The following SNTB1 variants were observed in gnomAD, a reference collection of about 807,000 sequenced individuals.
The protein encoded by SNTB1 is beta-1-syntrophin.
A neutral mutation model predicts 48.9 loss-of-function variants in SNTB1; 36 were observed. The observed-to-expected ratio is 0.74, with a 90% CI of 0.56 to 0.97. The LOEUF is 0.97. SNTB1 is among the 50% of genes least tolerant of loss of function. SNTB1 has a pLI of 0.00. For synonymous variants in SNTB1, 299 were observed against 294.6 expected, an observed-to-expected ratio of 1.01 and a Z score of -0.15; for missense variants, 786 against 703.4, an observed-to-expected ratio of 1.12 and a Z score of -1.33.
intron 2 of SNTB1, among the ~76,000 whole-genome samples, chr8:120,648,789 C>T (rs1034045474): frequency 6.6e-6 from 1 of 152,230 alleles, no homozygotes; most frequent in Non-Finnish European, 1.5e-5. Flanking sequence ...TTCTCCCCAT[C>T]ACTTTCAGGT....
intron 1 of SNTB1, among the ~76,000 whole-genome samples, chr8:120,786,428 G>C (rs1587162179): frequency 2.0e-5 from 3 of 152,286 alleles, no homozygotes; most frequent in East Asian, 3.9e-4. Context: ...GCTCATGAAG[G>C]GTCTTAGAGA....
At chr8:120,597,667 CA>C (rs1453569401) in intron 3 of SNTB1, among the ~76,000 whole-genome samples, 1 of 152,212 alleles carries the variant, frequency 6.6e-6, no homozygotes, top group African/African-American at 2.4e-5. Flanking sequence ...GGTAATTATA[CA>C]AAGTAAGAAT....
chr8:120,753,009 G>T (rs74955629), intron 1 of SNTB1, among the ~76,000 whole-genome samples: 10,280 of 125,074 alleles, frequency 0.082, 520 homozygotes, highest in East Asian at 0.23. Context: ...AAAAAAAAAA[G>T]ACTTGTTTTT....
At chr8:120,748,548 T>G (rs948562716) in intron 1 of SNTB1, among the ~76,000 whole-genome samples, 4 of 152,178 alleles carry the variant, frequency 2.6e-5, no homozygotes, top group Non-Finnish European at 5.9e-5. Flanking sequence ...GGACCCATAA[T>G]ACAGTACATA....
intron 3 of SNTB1, among the ~76,000 whole-genome samples, chr8:120,598,731 A>G (rs1000945286): frequency 1.2e-4 from 18 of 152,218 alleles, no homozygotes; most frequent in Admixed American, 6.5e-5. Context: ...GGAAAGTCAA[A>G]GCATCCTCAG....
chr8:120,724,728 A>G (rs1818724296), intron 1 of SNTB1, among the ~76,000 whole-genome samples: 1 of 152,204 alleles, frequency 6.6e-6, no homozygotes, highest in Admixed American at 6.5e-5. Context: ...CTAGAGAGGA[A>G]GGAAGAAAAG....
At chr8:120,770,043 C>T (rs192018729) in intron 1 of SNTB1, among the ~76,000 whole-genome samples, 11 of 152,298 alleles carry the variant, frequency 7.2e-5, no homozygotes, top group Admixed American at 2.0e-4. Flanking sequence ...ATGGGAGTTG[C>T]TTGTAACCAG....
chr8:120,537,653 A>G lies in SNTB1; in HGVS notation c.*1224T>C, dbSNP rs186114674. ...TCCTAGAGCTCATTTTCAAGGTTTG[A>G]GAAAAGTGACTTCAAAATCAATAGG... On this transcript the variant is annotated 3_prime_UTR_variant, in exon 7 of 7. Transcript: ENST00000517992. 2 of 152,332 alleles carry G rather than the reference A, an allele frequency of 1.3e-5. No homozygotes were observed. Among genetic ancestry groups the G allele is most frequent in the East Asian group, 1.9e-4 (1 of 5,180 alleles). The allele number at this position is 152,332 out of a possible 1,614,324, so 9.4% of individuals were successfully genotyped here. A position where few individuals can be genotyped will look rare whatever the true frequency, so the allele number is the denominator to read the frequency against.
intron 3 of SNTB1, among the ~76,000 whole-genome samples, chr8:120,594,011 T>C (rs148550264): frequency 2.2e-3 from 341 of 152,296 alleles, no homozygotes; most frequent in African/African-American, 7.8e-3. Flanking sequence ...TTGTTATGTA[T>C]TATATATGTA....
At chr8:120,659,538 C>T (rs1386469842) in intron 2 of SNTB1, among the ~76,000 whole-genome samples, 1 of 152,144 alleles carries the variant, frequency 6.6e-6, no homozygotes, top group Non-Finnish European at 1.5e-5. Flanking sequence ...GAATCAACTT[C>T]CAAACACCCA....
In SNTB1 at chr8:120,557,465, A is replaced by G. The variant is rs377727932; in HGVS notation, c.1137-8507T>C. 2.6e-5 allele frequency among the ~76,000 whole-genome samples: 4 copies of G among 152,300 alleles called. No individual in the cohort carries two copies. The East Asian group carries it at 5.8e-4, about 22-fold the overall frequency. Reference sequence around the variant, plus strand: ...AGAGGTTCTTGGGTGCTTACTCTGTAGGGGTTGTTGCTTATGTATCAGAGT... The same window carrying G: ...AGAGGTTCTTGGGTGCTTACTCTGTGGGGGTTGTTGCTTATGTATCAGAGT... On this transcript the variant is annotated intron_variant, in intron 4 of 6. Transcript: ENST00000517992.
At chr8:120,785,430 G>A (rs73325115) in intron 1 of SNTB1, among the ~76,000 whole-genome samples, 6,556 of 152,276 alleles carry the variant, frequency 0.043, 199 homozygotes, top group South Asian at 0.094. Context: ...TGCCAAATGC[G>A]TGGGAGCTGA....
intron 1 of SNTB1, among the ~76,000 whole-genome samples, chr8:120,723,747 G>A (rs1818708196): frequency 6.6e-6 from 1 of 152,174 alleles, no homozygotes; most frequent in African/African-American, 2.4e-5. Flanking sequence ...TACAAAAGGG[G>A]ATGATAATAT....
chr8:120,685,630 T>C (rs928329356), intron 2 of SNTB1, among the ~76,000 whole-genome samples: 17 of 152,330 alleles, frequency 1.1e-4, no homozygotes, highest in Admixed American at 1.3e-4. Context: ...ATAAATAGCA[T>C]TGGGATTTCA....
chr8:120,660,303 C>T (rs575310256), intron 2 of SNTB1, among the ~76,000 whole-genome samples: 1 of 152,266 alleles, frequency 6.6e-6, no homozygotes, highest in South Asian at 2.1e-4. Context: ...TTAGTGAAGC[C>T]ACCTTCATCA....
chr8:120,641,298 C>T (rs1587055370), intron 2 of SNTB1, among the ~76,000 whole-genome samples: 1 of 152,124 alleles, frequency 6.6e-6, no homozygotes, highest in African/African-American at 2.4e-5. Context: ...TTTTAATCAA[C>T]AATGGTGGTT....
At chr8:120,567,524 A>G (rs1211713437) in intron 4 of SNTB1, among the ~76,000 whole-genome samples, 1 of 151,318 alleles carries the variant, frequency 6.6e-6, no homozygotes, top group African/African-American at 2.4e-5. Context: ...GGGATCAAGC[A>G]ATTCTCCCAC....
intron 1 of SNTB1, among the ~76,000 whole-genome samples, chr8:120,698,139 A>C (rs1164939569): frequency 6.6e-6 from 1 of 152,192 alleles, no homozygotes; most frequent in East Asian, 1.9e-4. Context: ...GGCTTTGCTG[A>C]ACAATGCCTG....
At chr8:120,770,583 G>A (rs1336878945) in intron 1 of SNTB1, among the ~76,000 whole-genome samples, 1 of 152,062 alleles carries the variant, frequency 6.6e-6, no homozygotes. Context: ...AGACCAGGGC[G>A]GGCAGATCAT....
Sources: gnomAD v4.1 joint callset for allele counts (sites outside exome capture counted in the v4.1 genomes callset) on GRCh38, gnomAD v4.1.1 for gene constraint, MANE v1.5 for transcripts, NCBI Gene and HGNC (gene_info 2026-07-23, HGNC 2026-07-21) for gene names.